The following DNAH6 variants were observed in gnomAD, a reference collection of about 807,000 sequenced individuals.
DNAH6 encodes the protein axonemal beta dynein heavy chain 6.
In DNAH6, 340 loss-of-function variants were observed where a neutral mutation model predicts 491.4. The ratio of observed to expected loss-of-function variants is 0.69; its 90% CI spans 0.63 to 0.76. The LOEUF is 0.76. Among genes scored for constraint, DNAH6 ranks in the 30% least tolerant of loss-of-function variants. The pLI is 0.00. For missense variants in DNAH6, 4,443 were observed against 4,972.2 expected (o/e 0.89, Z 3.20); for synonymous variants, 1,603 against 1,686.1 (o/e 0.95, Z 1.21).
chr2:84,652,258 T>G (rs1690522425), intron 33 of DNAH6, among the ~76,000 whole-genome samples: 1 of 151,954 alleles, frequency 6.6e-6, no homozygotes, highest in Non-Finnish European at 1.5e-5. Context: ...CATAAGTGGT[T>G]TTACGAAGGC....
At chr2:84,577,472 C>T (rs1189617697) in intron 13 of DNAH6, 64 bp downstream of exon 13, 2 of 1,168,030 alleles carry the variant, frequency 1.7e-6, no homozygotes, top group African/African-American at 3.2e-5. Context: ...TTTTCTACTG[C>T]ACAAAAACCT....
At chr2:84,735,078 G>T (rs1219274315) in intron 62 of DNAH6, among the ~76,000 whole-genome samples, 1 of 152,006 alleles carries the variant, frequency 6.6e-6, no homozygotes, top group African/African-American at 2.4e-5. Flanking sequence ...AGTCCTCAGG[G>T]TCTATTGTTC....
At chr2:84,609,591 A>G (rs1686121917) in intron 21 of DNAH6, among the ~76,000 whole-genome samples, 1 of 152,112 alleles carries the variant, frequency 6.6e-6, no homozygotes, top group Admixed American at 6.6e-5. Flanking sequence ...TTGCCATCTT[A>G]TATAAGCATG....
intron 64 of DNAH6, 100 bp downstream of exon 64, chr2:84,763,045 C>A: frequency 1.2e-6 from 1 of 842,250 alleles, no homozygotes; most frequent in Non-Finnish European, 1.9e-6. Context: ...TAAATTCTTA[C>A]ATTCAGGTAT....
At chr2:84,774,504 C>T (rs1675938213) in intron 64 of DNAH6, among the ~76,000 whole-genome samples, 1 of 151,810 alleles carries the variant, frequency 6.6e-6, no homozygotes, top group African/African-American at 2.4e-5. Context: ...ATATAATGCC[C>T]CAGCTTTGTT....
chr2:84,806,958 G>A (rs1000527848), intron 71 of DNAH6, among the ~76,000 whole-genome samples: 1 of 152,168 alleles, frequency 6.6e-6, no homozygotes, highest in Non-Finnish European at 1.5e-5. Flanking sequence ...ATAGAGTGCT[G>A]GTTGGGAAAA....
intron 33 of DNAH6, among the ~76,000 whole-genome samples, chr2:84,647,711 G>A (rs1690033073): frequency 6.6e-6 from 1 of 152,170 alleles, no homozygotes; most frequent in Admixed American, 6.5e-5. Context: ...ACTTGTGGCT[G>A]CAGAATTTAA....
At chr2:84,488,200 G>T in the DNAH6 span, among the ~76,000 whole-genome samples, 7 of 152,000 alleles carry the variant, frequency 4.6e-5, no homozygotes, top group Non-Finnish European at 1.0e-4. Flanking sequence ...TTCTACAGTG[G>T]GAGTAACAAA....
intron 68 of DNAH6, among the ~76,000 whole-genome samples, chr2:84,791,569 G>C (rs943197126): frequency 1.4e-4 from 21 of 151,798 alleles, no homozygotes; most frequent in African/African-American, 4.8e-4. Context: ...TTTCTTTTGG[G>C]GGGAAATGGA....
At chr2:84,543,542 G>A (rs1171362659) in intron 4 of DNAH6, among the ~76,000 whole-genome samples, 5 of 152,098 alleles carry the variant, frequency 3.3e-5, no homozygotes, top group Non-Finnish European at 7.4e-5. Flanking sequence ...AGAGAATATC[G>A]TTTTGCTGTA....
rs770926708 is a variant in DNAH6 at position 84,577,291 on chromosome 2, T to A, written c.1959T>A (p.Tyr653Ter). 4 of 1,592,636 alleles carry A rather than the reference T, an allele frequency of 2.5e-6. No homozygotes were observed. The highest frequency in any genetic ancestry group is 3.4e-6 in the Non-Finnish European group (4 of 1,171,798). The stretch of plus-strand genomic sequence containing the variant: ...TTTTTAGTGAACAACTGGAAAAATA[T>A]CACAAACAGCACAAGGACGCAGTAG... Reference protein sequence around the residue: ...INFFSEQLEKYHKQHKDAVAL... With the variant: ...INFFSEQLEK Residue 653 changes from tyrosine (Y) to a stop codon, truncating the protein, a stop_gained, in exon 13 of 77, where the codon TAT (tyrosine) becomes TAA (stop). Coordinates refer to ENST00000389394, the MANE Select transcript of DNAH6 (RefSeq NM_001370.2). LOFTEE classifies it high-confidence loss of function.
chr2:84,762,730 CT>C (rs751427475), intron 63 of DNAH6, 24 bp from the exon 64 acceptor site: 139 of 1,477,896 alleles, frequency 9.4e-5, no homozygotes, highest in Admixed American at 1.7e-4. Flanking sequence ...ATTCAACATA[CT>C]TTTTTTTTCT....
intron 17 of DNAH6, among the ~76,000 whole-genome samples, chr2:84,594,505 C>G (rs1330692334): frequency 6.6e-6 from 1 of 152,130 alleles, no homozygotes; most frequent in Non-Finnish European, 1.5e-5. Flanking sequence ...GTGATAAAAT[C>G]TAGGATCTTC....
chr2:84,704,726 A>G (rs1696265129), intron 51 of DNAH6, among the ~76,000 whole-genome samples: 1 of 152,248 alleles, frequency 6.6e-6, no homozygotes, highest in East Asian at 1.9e-4. Context: ...GCAGGAGGCC[A>G]GTGATTGCAT....
At position 84,800,584 on chromosome 2, in the gene DNAH6, A is replaced by G. The variant is rs1260385636; in HGVS notation, c.11481+2926A>G. 2.6e-5 allele frequency among the ~76,000 whole-genome samples: 4 copies of G among 152,146 alleles called. No homozygotes were observed. The East Asian group carries it at 7.7e-4, about 29-fold the overall frequency. On this transcript the variant is annotated intron_variant, in intron 70 of 76. Transcript: ENST00000389394. Reference sequence around the variant, plus strand: ...CCAAACAGAGCTTCTGAAATTGAAAATCTCACTACGGGAGTATCAAAATGA... The same window carrying G: ...CCAAACAGAGCTTCTGAAATTGAAAGTCTCACTACGGGAGTATCAAAATGA...
intron 68 of DNAH6, among the ~76,000 whole-genome samples, chr2:84,791,647 T>C (rs1677757893): frequency 6.7e-6 from 1 of 149,584 alleles, no homozygotes; most frequent in East Asian, 1.9e-4. Context: ...TTAATGAATT[T>C]ATATATATAT....
chr2:84,536,323 G>A (rs1364258153), intron 4 of DNAH6, among the ~76,000 whole-genome samples: 1 of 152,008 alleles, frequency 6.6e-6, no homozygotes. Flanking sequence ...CACCTGAATA[G>A]CTTAACTGAA....
chr2:84,501,705 A>T, the DNAH6 span, among the ~76,000 whole-genome samples: 1 of 143,544 alleles, frequency 7.0e-6, no homozygotes, highest in Admixed American at 7.2e-5. Context: ...TGATCTCATT[A>T]CTTGTTATTG....
At chr2:84,481,943 C>T in the DNAH6 span, among the ~76,000 whole-genome samples, 21 of 152,294 alleles carry the variant, frequency 1.4e-4, no homozygotes, top group South Asian at 4.4e-3. Flanking sequence ...CTGTTCTCAC[C>T]AGACAATTGT....
Sources: gnomAD v4.1 joint callset for allele counts (sites outside exome capture counted in the v4.1 genomes callset) on GRCh38, gnomAD v4.1.1 for gene constraint, MANE v1.5 for transcripts, NCBI Gene and HGNC (gene_info 2026-07-23, HGNC 2026-07-21) for gene names.